The following LRBA variants were observed in gnomAD, a reference collection of about 807,000 sequenced individuals.
The protein encoded by LRBA is lipopolysaccharide-responsive and beige-like anchor protein.
Under a neutral mutation model 330.0 loss-of-function variants are expected in LRBA, and 176 were observed. The observed-to-expected ratio is 0.53, with a 90% CI of 0.47 to 0.60. The LOEUF (loss-of-function observed/expected upper bound fraction) is 0.60, where lower values mean the gene tolerates loss of function less well. Among genes scored for constraint, LRBA ranks in the 20% least tolerant of loss-of-function variants. The probability of loss-of-function intolerance (pLI) is 0.00; values close to 1 mark genes in which losing one functional copy is unlikely to be tolerated. For missense variants in LRBA, 3,259 were observed against 3,444.8 expected, an observed-to-expected ratio of 0.95 and a Z score of 1.35; for synonymous variants, 1,230 against 1,193.0, an observed-to-expected ratio of 1.03 and a Z score of -0.64.
At position 150,599,055 on chromosome 4, in the gene LRBA, G is replaced by C. The variant is rs1581780510; in HGVS notation, c.5998C>G (p.Leu2000Val). 1 of 1,614,018 alleles carries C rather than the reference G, an allele frequency of 6.2e-7. No homozygotes were observed. Among genetic ancestry groups the C allele is most frequent in the South Asian group, 1.1e-5 (1 of 91,080 alleles). The change falls in exon 38 of 57, where the codon CTA becomes GTA. Residue 2000 changes from leucine to valine, a missense_variant. Leu to Val is a conservative substitution (Grantham distance 32, BLOSUM62 1). Coordinates refer to ENST00000651943, the MANE Select transcript of LRBA (RefSeq NM_001364905.1). ...RRRRRFVRNP[L>V]GSTHPEATLK... ...GTCGCTTCAGGATGTGTCGATCCTA[G>C]AGGGTTACGCACAAATCGTCGCCGG...
chr4:150,556,959 A>T (rs1331389431), intron 40 of LRBA, among the ~76,000 whole-genome samples: 4 of 152,196 alleles, frequency 2.6e-5, no homozygotes, highest in Admixed American at 2.0e-4. Flanking sequence ...CCAAAGAAAG[A>T]TAATTAAAAG....
chr4:150,563,583 A>T (rs940950412), intron 40 of LRBA, among the ~76,000 whole-genome samples: 3 of 152,158 alleles, frequency 2.0e-5, no homozygotes, highest in African/African-American at 7.2e-5. Context: ...AGGAAGAGAG[A>T]AAGTCAAATT....
chr4:150,569,193 A>T (rs1299325652), intron 40 of LRBA, among the ~76,000 whole-genome samples: 1 of 152,122 alleles, frequency 6.6e-6, no homozygotes, highest in Non-Finnish European at 1.5e-5. Context: ...ACCGTGACAA[A>T]AGAAAATGGC....
At chr4:150,691,586 C>CA (rs1784141620) in intron 36 of LRBA, among the ~76,000 whole-genome samples, 1 of 152,150 alleles carries the variant, frequency 6.6e-6, no homozygotes, top group African/African-American at 2.4e-5. Context: ...AACTCTCATA[C>CA]CTACCTTGGT....
At chr4:150,610,237 T>G (rs1775099233) in intron 37 of LRBA, among the ~76,000 whole-genome samples, 1 of 152,160 alleles carries the variant, frequency 6.6e-6, no homozygotes. Context: ...TGCAGAACTG[T>G]GTGATTTTTC....
intron 47 of LRBA, among the ~76,000 whole-genome samples, chr4:150,364,584 T>C (rs1393124813): frequency 2.0e-5 from 3 of 152,228 alleles, no homozygotes; most frequent in Admixed American, 6.5e-5. Flanking sequence ...GTTTCACATA[T>C]ATCATTTAGA....
At chr4:150,464,837 A>G (rs1168185038) in intron 44 of LRBA, among the ~76,000 whole-genome samples, 1 of 152,102 alleles carries the variant, frequency 6.6e-6, no homozygotes, top group Non-Finnish European at 1.5e-5. Flanking sequence ...GAAACACACA[A>G]GCACTTTTTC....
intron 3 of LRBA, 89 bp from the exon 4 acceptor site, chr4:150,928,705 A>G: frequency 7.9e-7 from 1 of 1,271,276 alleles, no homozygotes; most frequent in South Asian, 1.3e-5. Context: ...GGGCTTGGAC[A>G]CTAAAGTTCT....
chr4:150,648,353 A>G (rs1022896744), intron 37 of LRBA, among the ~76,000 whole-genome samples: 3 of 151,904 alleles, frequency 2.0e-5, no homozygotes, highest in Non-Finnish European at 4.4e-5. Flanking sequence ...AGGCTGACGG[A>G]TGAACAGGTT....
chr4:150,999,650 G>A (rs1332207704), intron 2 of LRBA, among the ~76,000 whole-genome samples: 3 of 151,282 alleles, frequency 2.0e-5, no homozygotes, highest in African/African-American at 7.3e-5. Flanking sequence ...CACATAGGAA[G>A]TCCAAATTTA....
chr4:150,812,391 A>G (rs992968273), intron 31 of LRBA, among the ~76,000 whole-genome samples: 1 of 152,188 alleles, frequency 6.6e-6, no homozygotes, highest in Non-Finnish European at 1.5e-5. Context: ...TCTAGCATCT[A>G]TCTGGGGAGT....
chr4:150,673,415 T>C (rs1782247551), intron 37 of LRBA, among the ~76,000 whole-genome samples: 1 of 152,194 alleles, frequency 6.6e-6, no homozygotes, highest in African/African-American at 2.4e-5. Flanking sequence ...TATCCACAGA[T>C]AGAGGAATAA....
At chr4:150,369,561 CA>C (rs1205964822) in intron 47 of LRBA, among the ~76,000 whole-genome samples, 1 of 151,418 alleles carries the variant, frequency 6.6e-6, no homozygotes, top group African/African-American at 2.4e-5. Context: ...TTTTTTAGAC[CA>C]AACACCTTTG....
intron 22 of LRBA, among the ~76,000 whole-genome samples, chr4:150,860,751 C>T (rs1751809903): frequency 6.6e-6 from 1 of 151,970 alleles, no homozygotes; most frequent in Non-Finnish European, 1.5e-5. Context: ...TGGCGTGAAC[C>T]CAGGAGGCAG....
intron 34 of LRBA, among the ~76,000 whole-genome samples, chr4:150,789,487 T>C (rs1200743984): frequency 6.6e-6 from 1 of 152,206 alleles, no homozygotes. Flanking sequence ...TCAAGGTATG[T>C]AAATTACTAA....
rs564111187 is a variant in LRBA, at chr4:150,672,765, TA to T, written c.5921+10785del. Among the ~76,000 whole-genome samples the T allele has an allele frequency of 1.1e-4, 16 of 152,302 alleles. No individual in the cohort carries two copies. The East Asian group carries it at 1.7e-3, about 17-fold the overall frequency. Reference sequence around the variant, plus strand: ...CTCAAAGCAACAATCTGTTAAATTCTAAGCTACGTGAGGACAGTATCCAAGT... The same window carrying T: ...CTCAAAGCAACAATCTGTTAAATTCTAGCTACGTGAGGACAGTATCCAAGT... On this transcript the variant is annotated intron_variant, in intron 37 of 56. Transcript: ENST00000651943.
At chr4:150,300,168 A>G (rs961338716) in intron 53 of LRBA, among the ~76,000 whole-genome samples, 6 of 152,058 alleles carry the variant, frequency 3.9e-5, no homozygotes, top group African/African-American at 1.4e-4. Flanking sequence ...ATTATAAGAA[A>G]AAGTGCCTAT....
chr4:150,555,838 T>G (rs1308721146), intron 40 of LRBA, among the ~76,000 whole-genome samples: 1 of 151,924 alleles, frequency 6.6e-6, no homozygotes, highest in Non-Finnish European at 1.5e-5. Flanking sequence ...GGTCTTCCTT[T>G]GTCACCCAGG....
chr4:150,469,115 TTAAA>T (rs1755795858), intron 43 of LRBA, among the ~76,000 whole-genome samples: 2 of 152,114 alleles, frequency 1.3e-5, no homozygotes, highest in African/African-American at 4.8e-5. Flanking sequence ...TCCCATCTAC[TTAAA>T]TAATCAGAAA....
Sources: allele counts gnomAD v4.1 joint callset (sites outside exome capture counted in the v4.1 genomes callset), GRCh38; gene constraint gnomAD v4.1.1; transcripts MANE v1.5; gene names NCBI Gene and HGNC (gene_info 2026-07-23, HGNC 2026-07-21).